The following HAS3 variants were observed in gnomAD, a reference collection of about 807,000 sequenced individuals.
HAS3 encodes hyaluronan synthase 3, also known as HA synthase 3.
A neutral mutation model predicts 50.3 loss-of-function variants in HAS3; 27 were observed. The observed-to-expected ratio is 0.54, with a 90% confidence interval of 0.40 to 0.74. The LOEUF is 0.74. Ranked by LOEUF, HAS3 falls within the 30% of genes least tolerant of loss-of-function variation. HAS3 has a pLI of 0.00. For synonymous variants in HAS3, 339 were observed against 310.9 expected (o/e 1.09, Z -0.95); for missense variants, 517 against 742.8 (o/e 0.70, Z 3.53).
Position 69,115,510 on chromosome 16 carries a change from G to C in HAS3, c.*244G>C. 4.1e-6 allele frequency: 5 copies of C among 1,233,100 alleles called. No homozygotes were observed. The highest frequency in any genetic ancestry group is 5.1e-6 in the Non-Finnish European group (5 of 987,276). The allele number at this position is 1,233,100 out of a possible 1,614,324, so 76.4% of individuals were successfully genotyped here. A position where few individuals can be genotyped will look rare whatever the true frequency, so the allele number is the denominator to read the frequency against. On this transcript the variant is annotated 3_prime_UTR_variant, in exon 4 of 4. Transcript: ENST00000569188. ...TTCTGTGTTTTCAGACTGCCTGTCT[G>C]CTTGCATCTGCACATAGGCAGTAGC...
In HAS3 at chr16:69,114,590, A is replaced by G. The variant is rs1019422604; in HGVS notation, c.986A>G (p.Tyr329Cys). ...HLTNRVLSLG[Y>C]RTKYTARSKC... Reference sequence around the variant, plus strand: ...ACCAACCGAGTCCTGAGCCTTGGCTACCGAACTAAGTATACCGCGCGCTCC... The same window carrying G: ...ACCAACCGAGTCCTGAGCCTTGGCTGCCGAACTAAGTATACCGCGCGCTCC... The change falls in exon 4 of 4, where the codon TAC (tyrosine) becomes TGC (cysteine). Residue 329 changes from tyrosine to cysteine, a missense_variant. Physicochemically the swap from Tyr to Cys is radical, Grantham distance 194. Transcript: ENST00000569188. This position sits in a 1 kb window ranked among gnomAD's most constrained non-coding sequence, Gnocchi z 6.4. The G allele has an allele frequency of 1.9e-6, 3 of 1,613,894 alleles. No individual in the cohort carries two copies. Among genetic ancestry groups the G allele is most frequent in the African/African-American group, 2.7e-5 (2 of 74,894 alleles).
At chr16:69,087,696 CTTTTTT>C in the HAS3 span, among the ~76,000 whole-genome samples, 1 of 82,636 alleles carries the variant, frequency 1.2e-5, no homozygotes, top group Non-Finnish European at 2.4e-5. Flanking sequence ...CCGCACCCGG[CTTTTTT>C]TTTTTTTTTT....
chr16:69,086,562 G>GTA, the HAS3 span, among the ~76,000 whole-genome samples: 1 of 149,660 alleles, frequency 6.7e-6, no homozygotes, highest in Non-Finnish European at 1.5e-5. Context: ...GTGTGTGTGT[G>GTA]TATGAATGAT....
At chr16:69,104,259 G>GTT (rs544314357), upstream of HAS3, among the ~76,000 whole-genome samples, 33 of 127,076 alleles carry the variant, frequency 2.6e-4, no homozygotes, top group Non-Finnish European at 4.0e-4. Flanking sequence ...CCTGGCTAAT[G>GTT]TTTTTTTTTT....
intron 2 of HAS3, among the ~76,000 whole-genome samples, chr16:69,111,746 G>A (rs186377021): frequency 1.1e-4 from 16 of 152,266 alleles, no homozygotes; most frequent in Admixed American, 8.5e-4. Flanking sequence ...CTGGGGTCGT[G>A]GGACCTTGTG....
chr16:69,097,905 A>G, the HAS3 span, among the ~76,000 whole-genome samples: 1 of 152,178 alleles, frequency 6.6e-6, no homozygotes, highest in African/African-American at 2.4e-5. Context: ...TTTCCCTGCT[A>G]CATTCTCTCA....
chr16:69,112,967 T>C (rs1460859634), intron 2 of HAS3, among the ~76,000 whole-genome samples: 1 of 152,114 alleles, frequency 6.6e-6, no homozygotes, highest in African/African-American at 2.4e-5. Flanking sequence ...TGCAAGTAGG[T>C]AGTCTGGTAA....
At chr16:69,084,962 G>C in the HAS3 span, 1 of 152,374 alleles carries the variant, frequency 6.6e-6, no homozygotes, top group East Asian at 1.9e-4. Flanking sequence ...GCCATCTTAT[G>C]AACAGGATCA....
At chr16:69,118,670 A>G (rs1301781084), downstream of HAS3, 7 of 683,514 alleles carry the variant, frequency 1.0e-5, no homozygotes, top group Non-Finnish European at 1.9e-5. Flanking sequence ...CACAGTTCAC[A>G]TGCCACAAAT....
intron 1 of HAS3, among the ~76,000 whole-genome samples, chr16:69,108,071 A>G (rs1960867890): frequency 6.6e-6 from 1 of 152,222 alleles, no homozygotes; most frequent in African/African-American, 2.4e-5. Flanking sequence ...GAAGCGAGGC[A>G]TCATTGTCTG....
chr16:69,105,073 T>G (rs1188994567), upstream of HAS3, among the ~76,000 whole-genome samples: 2 of 137,764 alleles, frequency 1.5e-5, no homozygotes, highest in African/African-American at 5.4e-5. Context: ...AGTGGTGCGA[T>G]TTCAGCTCAC....
Position 69,107,208 on chromosome 16 carries a change from G to T in HAS3, c.-1+1421G>T. 4.6e-6 allele frequency: 2 copies of T among 432,448 alleles called. No individual in the cohort carries two copies. Among genetic ancestry groups the T allele is most frequent in the Non-Finnish European group, 6.2e-6 (2 of 324,180 alleles). 26.8% of individuals were successfully genotyped at this position (432,448 alleles called of 1,614,324 possible). On this transcript the variant is annotated intron_variant, in intron 1 of 3. Transcript: ENST00000569188. This position sits in a 1 kb window ranked among gnomAD's most constrained non-coding sequence, Gnocchi z 5.5. The stretch of plus-strand genomic sequence containing the variant: ...AGAACCTCGACCACAGCCTGCACCA[G>T]CGCCTGATTGCACGTGGGGTATCTG...
At chr16:69,085,651 C>A in the HAS3 span, among the ~76,000 whole-genome samples, 10 of 151,384 alleles carry the variant, frequency 6.6e-5, no homozygotes, top group African/African-American at 2.2e-4. Context: ...TGCATTGGCA[C>A]AACCTTGGCT....
At chr16:69,113,777 G>A (rs1567581417) in intron 3 of HAS3, among the ~76,000 whole-genome samples, 1 of 152,180 alleles carries the variant, frequency 6.6e-6, no homozygotes, top group Admixed American at 6.5e-5. Context: ...CTATACTGCA[G>A]GAGGGGCACA....
At chr16:69,101,847 C>T (rs542521597), upstream of HAS3, among the ~76,000 whole-genome samples, 9 of 148,554 alleles carry the variant, frequency 6.1e-5, 1 homozygote, top group East Asian at 8.2e-4. Flanking sequence ...TGCAGTGGCA[C>T]GATCTCGGCT....
At chr16:69,102,992 G>C (rs1265279294), upstream of HAS3, among the ~76,000 whole-genome samples, 1 of 145,354 alleles carries the variant, frequency 6.9e-6, no homozygotes, top group Admixed American at 6.9e-5. Flanking sequence ...TGTCTGGCCT[G>C]TGGAGTGTGC....
chr16:69,100,862 ACTTTTCTCTTGGTTATGCCTC>A (rs139515188), upstream of HAS3, among the ~76,000 whole-genome samples: 403 of 152,254 alleles, frequency 2.6e-3, no homozygotes, highest in Admixed American at 4.6e-3. Context: ...ACCGTCGAGT[ACTTTTCTCTTGGTTATGCCTC>A]CAGTGTTGGA....
In HAS3 at chr16:69,113,482, C is replaced by A. The variant is rs150705005; in HGVS notation, c.678C>A (p.Ile226=). 12 of 1,613,558 alleles carry A rather than the reference C, an allele frequency of 7.4e-6. No individual in the cohort carries two copies. In the African/African-American group the frequency reaches 1.6e-4, roughly 22 times the overall value. The change falls in exon 3 of 4, where the codon ATC becomes ATA. Residue 226 remains isoleucine (I), a synonymous_variant. Transcript: ENST00000569188. ...CTGTGCTGGATCCAGCCTGCACCAT[C>A]GAGATGCTTCGAGTCCTGGAGGAGG... ...SDTVLDPACT[I]EMLRVLEEDP...
At chr16:69,095,657 A>G in the HAS3 span, among the ~76,000 whole-genome samples, 3 of 151,954 alleles carry the variant, frequency 2.0e-5, no homozygotes, top group African/African-American at 7.2e-5. Flanking sequence ...CAGACATGGG[A>G]ATCACTACAT....
Sources: gnomAD v4.1 joint callset for allele counts (sites outside exome capture counted in the v4.1 genomes callset) on GRCh38, gnomAD v4.1.1 for gene constraint, Gnocchi (gnomAD v3.1) non-coding constraint, MANE v1.5 for transcripts, NCBI Gene and HGNC (gene_info 2026-07-23, HGNC 2026-07-21) for gene names.